Variants in SPMIP3 observed in about 807,000 individuals in gnomAD.
The protein encoded by SPMIP3 is sperm microtubule inner protein 3, also known as protein SPMIP3.
chr1:244,373,994 T>C, the SPMIP3 span, among the ~76,000 whole-genome samples: 1 of 152,010 alleles, frequency 6.6e-6, no homozygotes, highest in Non-Finnish European at 1.5e-5. Context: ...GCACCTGTAA[T>C]TCCAGCTACT....
chr1:244,364,784 C>G, the SPMIP3 span: 1 of 1,612,698 alleles, frequency 6.2e-7, no homozygotes, highest in Non-Finnish European at 8.5e-7. Flanking sequence ...GCACAGCCTC[C>G]GGGACTGAAG....
the SPMIP3 span, among the ~76,000 whole-genome samples, chr1:244,387,417 T>C: frequency 6.6e-6 from 1 of 152,248 alleles, no homozygotes; most frequent in Admixed American, 6.5e-5. Context: ...AGCAAAATTG[T>C]TAATGATTAT....
At chr1:244,381,266 C>T in the SPMIP3 span, among the ~76,000 whole-genome samples, 4,529 of 152,180 alleles carry the variant, frequency 0.03, 217 homozygotes, top group African/African-American at 0.1. Flanking sequence ...GCTGAGCACG[C>T]TGTCCTTTCA....
chr1:244,368,846 G>A, the SPMIP3 span, among the ~76,000 whole-genome samples: 2 of 152,296 alleles, frequency 1.3e-5, no homozygotes, highest in South Asian at 2.1e-4. Flanking sequence ...CTTAGTAGTG[G>A]CCACATAAAA....
At chr1:244,383,553 T>C in the SPMIP3 span, among the ~76,000 whole-genome samples, 3 of 152,300 alleles carry the variant, frequency 2.0e-5, no homozygotes, top group Admixed American at 2.0e-4. Context: ...TTAAATGCTA[T>C]AAGGCAGAGT....
At chr1:244,381,207 G>A in the SPMIP3 span, among the ~76,000 whole-genome samples, 180 of 151,886 alleles carry the variant, frequency 1.2e-3, no homozygotes, top group African/African-American at 4.2e-3. Flanking sequence ...GGGCTAAAAA[G>A]AAGAGGTGGC....
chr1:244,385,807 G>A, the SPMIP3 span, among the ~76,000 whole-genome samples: 2 of 152,082 alleles, frequency 1.3e-5, no homozygotes, highest in African/African-American at 4.8e-5. Flanking sequence ...ATATCACTGA[G>A]ATTAATTTCT....
chr1:244,367,059 G>A, the SPMIP3 span, among the ~76,000 whole-genome samples: 2 of 152,120 alleles, frequency 1.3e-5, no homozygotes, highest in Non-Finnish European at 2.9e-5. Flanking sequence ...GCATGATGCT[G>A]GGTGATAGGG....
At chr1:244,389,031 A>G in the SPMIP3 span, 1 of 1,613,826 alleles carries the variant, frequency 6.2e-7, no homozygotes, top group South Asian at 1.1e-5. Context: ...TTGTGAAGAG[A>G]GAAGCAGCTT....
the SPMIP3 span, among the ~76,000 whole-genome samples, chr1:244,372,206 T>G: frequency 6.6e-6 from 1 of 152,336 alleles, no homozygotes; most frequent in Non-Finnish European, 1.5e-5. Flanking sequence ...TTCTGTGTCC[T>G]ATGGACCCTT....
the SPMIP3 span, among the ~76,000 whole-genome samples, chr1:244,367,598 A>G: frequency 6.6e-6 from 1 of 152,104 alleles, no homozygotes. Flanking sequence ...GTGCCCCCCA[A>G]CCCACGTGCG....
chr1:244,372,606 G>A, the SPMIP3 span, among the ~76,000 whole-genome samples: 3 of 151,944 alleles, frequency 2.0e-5, no homozygotes, highest in African/African-American at 7.3e-5. Flanking sequence ...ACCACACCTG[G>A]CTAATTTTTT....
chr1:244,373,092 G>A, the SPMIP3 span, among the ~76,000 whole-genome samples: 3 of 151,666 alleles, frequency 2.0e-5, no homozygotes, highest in Non-Finnish European at 4.4e-5. Context: ...CTTCAAATTT[G>A]TTTTCTGGCT....
the SPMIP3 span, among the ~76,000 whole-genome samples, chr1:244,362,647 G>A: frequency 9.2e-5 from 14 of 151,992 alleles, no homozygotes; most frequent in East Asian, 5.8e-4. Flanking sequence ...ATGACCTGCC[G>A]CAGGTCACAT....
At chr1:244,364,647 A>C in the SPMIP3 span, 1 of 1,520,734 alleles carries the variant, frequency 6.6e-7, no homozygotes, top group South Asian at 1.1e-5. Flanking sequence ...AATTATGTAT[A>C]AACTGGCAAT....
the SPMIP3 span, among the ~76,000 whole-genome samples, chr1:244,376,852 C>T: frequency 1.3e-5 from 2 of 152,036 alleles, no homozygotes; most frequent in African/African-American, 4.8e-5. Flanking sequence ...CTCTTGTTGC[C>T]CAGGCTGAAG....
chr1:244,362,756 A>G, the SPMIP3 span, among the ~76,000 whole-genome samples: 22 of 152,248 alleles, frequency 1.4e-4, no homozygotes, highest in Admixed American at 1.4e-3. Flanking sequence ...GCAGAGTGCA[A>G]AATTCCTAAG....
the SPMIP3 span, among the ~76,000 whole-genome samples, chr1:244,367,731 G>C: frequency 1.3e-5 from 2 of 152,192 alleles, no homozygotes; most frequent in African/African-American, 4.8e-5. Context: ...AGACACCACA[G>C]AGCACTAGGC....
chr1:244,355,513 G>A, the SPMIP3 span, among the ~76,000 whole-genome samples: 20 of 151,836 alleles, frequency 1.3e-4, no homozygotes, highest in Admixed American at 7.2e-4. Context: ...TCAGCCTCCC[G>A]AGTAGCTGAG....
Sources: gnomAD v4.1 joint callset for allele counts (sites outside exome capture counted in the v4.1 genomes callset) on GRCh38, gnomAD v4.1.1 for gene constraint, MANE v1.5 for transcripts, NCBI Gene and HGNC (gene_info 2026-07-23, HGNC 2026-07-21) for gene names.